Variants in GINS2 observed in about 807,000 individuals in gnomAD.
The protein encoded by GINS2 is DNA replication complex GINS protein PSF2.
GINS2 carries 23 observed loss-of-function variants against 21.2 expected under a neutral mutation model. The observed-to-expected ratio is 1.08, with a 90% CI of 0.78 to 1.53. GINS2 has a LOEUF of 1.53. GINS2 is among the 40% of genes most tolerant of loss of function. The pLI is 0.00. For missense variants in GINS2, 323 were observed against 233.9 expected (o/e 1.38, Z -2.49); for synonymous variants, 118 against 85.6 (o/e 1.38, Z -2.09).
intron 1 of GINS2, chr16:85,687,839 C>T: frequency 3.1e-6 from 1 of 322,242 alleles, no homozygotes; most frequent in Non-Finnish European, 5.7e-6. Context: ...CTCCCTCTCC[C>T]GCCTGCACCC....
In GINS2 at chr16:85,688,954, C is replaced by T; in HGVS notation, c.-56G>A. 3 of 1,264,944 alleles carry T rather than the reference C, an allele frequency of 2.4e-6. No homozygotes were observed. The highest frequency in any genetic ancestry group is 2.2e-6 in the Non-Finnish European group (2 of 921,584). 78.4% of individuals were successfully genotyped at this position (1,264,944 alleles called of 1,614,324 possible). ...GGTCTCCTCGGGCCCCTCAGCGTCC[C>T]GGAGGAGACGCCGCGGCCGCCGTTT... On this transcript the variant is annotated 5_prime_UTR_variant, in exon 1 of 5. Coordinates refer to ENST00000253462, the MANE Select transcript of GINS2 (RefSeq NM_016095.3).
At chr16:85,682,090 C>T (rs1379274490) in intron 2 of GINS2, among the ~76,000 whole-genome samples, 10 of 134,806 alleles carry the variant, frequency 7.4e-5, no homozygotes, top group South Asian at 4.8e-4. Flanking sequence ...GCAGTGGCAC[C>T]ATCACAGCTC....
chr16:85,688,607 G>T (rs924419281), intron 1 of GINS2, among the ~76,000 whole-genome samples: 6 of 152,218 alleles, frequency 3.9e-5, no homozygotes, highest in Non-Finnish European at 5.9e-5. Flanking sequence ...GTAAACCCGG[G>T]CGTTCGGGGC....
In GINS2 at chr16:85,678,091, C is replaced by G. The variant is rs2053698058; in HGVS notation, c.*121G>C. On this transcript the variant is annotated 3_prime_UTR_variant, in exon 5 of 5. Transcript: ENST00000253462. ...TCTCCAACAACATCCTGAATCCATT[C>G]CTTGCACCATCACACATTTTTCATG... 9.5e-6 allele frequency: 8 copies of G among 846,084 alleles called. No individual in the cohort carries two copies. The highest frequency in any genetic ancestry group is 1.7e-5 in the African/African-American group (1 of 59,000). 52.4% of individuals were successfully genotyped at this position (846,084 alleles called of 1,614,324 possible).
intron 2 of GINS2, among the ~76,000 whole-genome samples, chr16:85,684,259 A>G (rs1213374176): frequency 2.6e-5 from 4 of 152,300 alleles, no homozygotes; most frequent in African/African-American, 9.6e-5. Context: ...GCTTGAGCCC[A>G]GGAGGTGGAG....
chr16:85,679,722 T>A (rs1462768979), intron 3 of GINS2, among the ~76,000 whole-genome samples: 1 of 152,206 alleles, frequency 6.6e-6, no homozygotes, highest in Non-Finnish European at 1.5e-5. Context: ...AAAAAATGGA[T>A]AGGCCCCCTC....
chr16:85,677,097 T>G lies in GINS2; in HGVS notation c.*1115A>C, dbSNP rs1253124873. On this transcript the variant is annotated 3_prime_UTR_variant, in exon 5 of 5. Transcript: ENST00000253462. The stretch of plus-strand genomic sequence containing the variant: ...CATGTTAGCCAGGATAGTCTCAATC[T>G]CCTGGCCTTGTGATCCACCTGCCTT... 2.0e-5 allele frequency: 3 copies of G among 152,010 alleles called. No homozygotes were observed. Among genetic ancestry groups the G allele is most frequent in the Non-Finnish European group, 2.9e-5 (2 of 68,008 alleles). 9.4% of individuals were successfully genotyped at this position (152,010 alleles called of 1,614,324 possible). A position where few individuals can be genotyped will look rare whatever the true frequency, so the allele number is the denominator to read the frequency against.
chr16:85,687,883 T>C (rs978368036), intron 1 of GINS2: 6 of 224,914 alleles, frequency 2.7e-5, no homozygotes, highest in Non-Finnish European at 4.3e-5. Context: ...ACACCCAATG[T>C]TGGGGTCCTG....
chr16:85,677,109 G>A lies in GINS2; in HGVS notation c.*1103C>T, dbSNP rs1332787272. Reference sequence around the variant, plus strand: ...GATAGTCTCAATCTCCTGGCCTTGTGATCCACCTGCCTTGGCCTCCCAAAG... The same window carrying A: ...GATAGTCTCAATCTCCTGGCCTTGTAATCCACCTGCCTTGGCCTCCCAAAG... On this transcript the variant is annotated 3_prime_UTR_variant, in exon 5 of 5. Coordinates refer to ENST00000253462, the MANE Select transcript of GINS2 (RefSeq NM_016095.3). 2.0e-5 allele frequency: 3 copies of A among 151,676 alleles called. No homozygotes were observed. The highest frequency in any genetic ancestry group is 4.4e-5 in the Non-Finnish European group (3 of 67,942). The allele number at this position is 151,676 out of a possible 1,614,324, so 9.4% of individuals were successfully genotyped here.
At chr16:85,686,007 T>G (rs1395601169) in intron 2 of GINS2, among the ~76,000 whole-genome samples, 1 of 139,354 alleles carries the variant, frequency 7.2e-6, no homozygotes, top group Non-Finnish European at 1.6e-5. Flanking sequence ...ACAAAAAAAT[T>G]AAGATTTTTT....
intron 2 of GINS2, among the ~76,000 whole-genome samples, chr16:85,684,386 T>C (rs1323938396): frequency 1.3e-5 from 2 of 152,110 alleles, no homozygotes; most frequent in Non-Finnish European, 2.9e-5. Flanking sequence ...TCCCAGCTAC[T>C]AGGGAGGCTG....
intron 1 of GINS2, chr16:85,687,800 G>A (rs1254271654): frequency 7.2e-6 from 3 of 418,918 alleles, no homozygotes; most frequent in Non-Finnish European, 1.3e-5. Flanking sequence ...CGGACAGGAT[G>A]CAAGTCTCCC....
chr16:85,678,384 G>C, intron 4 of GINS2, 47 bp from the exon 5 acceptor site: 1 of 1,602,226 alleles, frequency 6.2e-7, no homozygotes, highest in South Asian at 1.1e-5. Flanking sequence ...TTTTGATTTT[G>C]AGAAAAAGGT....
intron 1 of GINS2, among the ~76,000 whole-genome samples, chr16:85,688,318 C>A (rs369084179): frequency 6.6e-6 from 1 of 152,060 alleles, no homozygotes; most frequent in African/African-American, 2.4e-5. Context: ...GAGGCCGAGG[C>A]GAGTGGCTCA....
At chr16:85,683,803 T>G (rs1179768154) in intron 2 of GINS2, among the ~76,000 whole-genome samples, 1 of 152,188 alleles carries the variant, frequency 6.6e-6, no homozygotes, top group African/African-American at 2.4e-5. Flanking sequence ...ATGAAACACC[T>G]CTGGTCCAAC....
At chr16:85,688,110 C>G (rs1334125372) in intron 1 of GINS2, 3 of 152,448 alleles carry the variant, frequency 2.0e-5, no homozygotes, top group African/African-American at 4.8e-5. Flanking sequence ...CCCGCCCGGG[C>G]GATAGAGCGA....
intron 3 of GINS2, 124 bp downstream of exon 3, chr16:85,681,458 G>A: frequency 3.2e-6 from 2 of 633,362 alleles, no homozygotes; most frequent in Non-Finnish European, 5.7e-6. Context: ...TGAGAAACAG[G>A]GCGGCCAGTG....
chr16:85,680,997 T>C (rs79732560), intron 3 of GINS2, among the ~76,000 whole-genome samples: 84 of 152,236 alleles, frequency 5.5e-4, no homozygotes, highest in Middle Eastern at 3.4e-3. Context: ...CTGGCTGAGA[T>C]GTGAAGAATG....
chr16:85,676,795 C>G lies in GINS2; in HGVS notation c.*1417G>C, dbSNP rs1412574652. The G allele has an allele frequency of 6.6e-6, 1 of 152,138 alleles. No individual in the cohort carries two copies. Among genetic ancestry groups the G allele is most frequent in the African/African-American group, 2.4e-5 (1 of 41,424 alleles). 9.4% of individuals were successfully genotyped at this position (152,138 alleles called of 1,614,324 possible). A position where few individuals can be genotyped will look rare whatever the true frequency, so the allele number is the denominator to read the frequency against. On this transcript the variant is annotated 3_prime_UTR_variant, in exon 5 of 5. Transcript: ENST00000253462. Reference sequence around the variant, plus strand: ...GTGTGAACCCAGGAGTTCGAGGCTGCAGTGAGCTATAATCACGCCACTCTA... The same window carrying G: ...GTGTGAACCCAGGAGTTCGAGGCTGGAGTGAGCTATAATCACGCCACTCTA...
Sources: gnomAD v4.1 joint callset for allele counts (sites outside exome capture counted in the v4.1 genomes callset) on GRCh38, gnomAD v4.1.1 for gene constraint, MANE v1.5 for transcripts, NCBI Gene and HGNC (gene_info 2026-07-23, HGNC 2026-07-21) for gene names.